Variants in PTPRM observed in about 807,000 individuals in gnomAD.
The protein encoded by PTPRM is protein tyrosine phosphatase receptor type M, also known as receptor-type tyrosine-protein phosphatase mu.
A neutral mutation model predicts 186.7 loss-of-function variants in PTPRM; 47 were observed. That is an observed-to-expected ratio of 0.25 (90% CI 0.20 to 0.32). The LOEUF (loss-of-function observed/expected upper bound fraction) is 0.32, where lower values mean the gene tolerates loss of function less well. Ranked by LOEUF, PTPRM falls within the 10% of genes least tolerant of loss-of-function variation. The pLI, the probability that PTPRM is intolerant of heterozygous loss-of-function variation, is 1.00. For synonymous variants in PTPRM, 668 were observed against 674.9 expected (o/e 0.99, Z 0.16); for missense variants, 1,494 against 1,865.0 (o/e 0.80, Z 3.66).
At chr18:8,124,925 T>G (rs1246521720) in intron 13 of PTPRM, among the ~76,000 whole-genome samples, 1 of 152,074 alleles carries the variant, frequency 6.6e-6, no homozygotes, top group Non-Finnish European at 1.5e-5. Flanking sequence ...CTGGGAAGCT[T>G]TTGTGAGATG....
chr18:7,607,155 A>C (rs981291992), intron 1 of PTPRM, among the ~76,000 whole-genome samples: 9 of 152,154 alleles, frequency 5.9e-5, no homozygotes, highest in African/African-American at 2.2e-4. Context: ...CAAAGTTGCC[A>C]GTGTTACTGC....
At chr18:7,716,375 A>G (rs1464541578) in intron 1 of PTPRM, among the ~76,000 whole-genome samples, 7 of 152,234 alleles carry the variant, frequency 4.6e-5, no homozygotes, top group Admixed American at 1.3e-4. Flanking sequence ...ACCTAAAACC[A>G]TAAAAACCCT....
At chr18:8,335,857 A>G (rs1020816878) in intron 22 of PTPRM, among the ~76,000 whole-genome samples, 4 of 152,166 alleles carry the variant, frequency 2.6e-5, no homozygotes, top group African/African-American at 9.6e-5. Flanking sequence ...CCCCATCTCT[A>G]CTATAAACAC....
At chr18:8,200,125 T>C (rs2093833730) in intron 14 of PTPRM, among the ~76,000 whole-genome samples, 2 of 152,170 alleles carry the variant, frequency 1.3e-5, no homozygotes, top group Non-Finnish European at 2.9e-5. Context: ...CTGATAGCAG[T>C]GTCCTTGGGA....
intron 1 of PTPRM, among the ~76,000 whole-genome samples, chr18:7,681,218 G>T (rs1461536990): frequency 6.7e-6 from 1 of 149,588 alleles, no homozygotes; most frequent in African/African-American, 2.5e-5. Context: ...TAATAATAAT[G>T]GATAAACTTA....
chr18:7,858,611 G>A (rs962744703), intron 2 of PTPRM, among the ~76,000 whole-genome samples: 1 of 152,170 alleles, frequency 6.6e-6, no homozygotes, highest in Admixed American at 6.5e-5. Context: ...TTATTGTTGT[G>A]ATGAGAATTA....
intron 20 of PTPRM, among the ~76,000 whole-genome samples, chr18:8,297,348 C>T (rs766879044): frequency 5.9e-5 from 9 of 152,188 alleles, no homozygotes; most frequent in Non-Finnish European, 1.2e-4. Context: ...GAGGAGCAAT[C>T]TATTAGCTTT....
intron 7 of PTPRM, among the ~76,000 whole-genome samples, chr18:7,965,527 T>G (rs573264704): frequency 2.0e-5 from 3 of 152,196 alleles, no homozygotes; most frequent in Non-Finnish European, 4.4e-5. Context: ...GTGGTGTGGA[T>G]GTAAGGAATT....
At chr18:7,994,441 GA>G (rs1568150878) in intron 7 of PTPRM, among the ~76,000 whole-genome samples, 3 of 152,058 alleles carry the variant, frequency 2.0e-5, no homozygotes, top group Non-Finnish European at 4.4e-5. Flanking sequence ...AATCAACAAA[GA>G]AATATTGGAC....
At chr18:8,167,588 T>C (rs904519561) in intron 14 of PTPRM, among the ~76,000 whole-genome samples, 2 of 152,254 alleles carry the variant, frequency 1.3e-5, no homozygotes, top group Non-Finnish European at 1.5e-5. Flanking sequence ...CCCTTTTCAT[T>C]GTAGTTGTAC....
chr18:8,179,660 G>A (rs6506552), intron 14 of PTPRM, among the ~76,000 whole-genome samples: 75,696 of 151,562 alleles, frequency 0.5, 19,189 homozygotes, highest in Middle Eastern at 0.65. Context: ...AGTAGAGAAC[G>A]GGTTTCACCA....
At chr18:7,876,127 TG>T (rs1366549905) in intron 2 of PTPRM, among the ~76,000 whole-genome samples, 14 of 152,144 alleles carry the variant, frequency 9.2e-5, no homozygotes, top group African/African-American at 2.9e-4. Flanking sequence ...TGTGTGTGTG[TG>T]TGTGTGTGTG....
At chr18:8,192,941 C>A (rs2093728304) in intron 14 of PTPRM, among the ~76,000 whole-genome samples, 1 of 152,164 alleles carries the variant, frequency 6.6e-6, no homozygotes, top group Non-Finnish European at 1.5e-5. Flanking sequence ...GATACAGCTT[C>A]ACATTATGTC....
At chr18:7,917,000 T>C (rs2050597974) in intron 4 of PTPRM, among the ~76,000 whole-genome samples, 2 of 152,196 alleles carry the variant, frequency 1.3e-5, no homozygotes, top group Non-Finnish European at 2.9e-5. Context: ...TGAGATCAAC[T>C]TTATGATCTC....
chr18:7,691,707 G>A (rs2039736770), intron 1 of PTPRM, among the ~76,000 whole-genome samples: 1 of 152,098 alleles, frequency 6.6e-6, no homozygotes, highest in Non-Finnish European at 1.5e-5. Context: ...TTGAGTCCAG[G>A]AGTTCAAGAC....
rs796295103 is a variant in PTPRM, at chr18:8,237,454, T to A, written c.2301-6604T>A. Among the ~76,000 whole-genome samples the A allele has an allele frequency of 1.1e-4, 9 of 82,502 alleles. 1 individual carries two copies. The highest frequency in any genetic ancestry group is 3.6e-4 in the African/African-American group (5 of 13,834). 54.1% of individuals were successfully genotyped at this position (82,502 alleles called of 152,430 possible). A position where few individuals can be genotyped will look rare whatever the true frequency, so the allele number is the denominator to read the frequency against. ...CAATTTTTTTTTTTTTTTTTTTTTTTTTTTTTTTCCTGAGACAGAGTTTCG... is the reference window on the plus strand; with the variant it reads ...CAATTTTTTTTTTTTTTTTTTTTTTATTTTTTTTCCTGAGACAGAGTTTCG... On this transcript the variant is annotated intron_variant, in intron 14 of 32. Transcript: ENST00000580170.
intron 1 of PTPRM, among the ~76,000 whole-genome samples, chr18:7,610,411 C>G (rs922781529): frequency 1.3e-4 from 20 of 152,044 alleles, no homozygotes; most frequent in African/African-American, 4.6e-4. Context: ...TTTCTCCAAC[C>G]AGTGTCCTCC....
intron 20 of PTPRM, among the ~76,000 whole-genome samples, chr18:8,297,583 G>A (rs1389213873): frequency 6.6e-6 from 1 of 152,126 alleles, no homozygotes; most frequent in African/African-American, 2.4e-5. Flanking sequence ...TTTATTTCTT[G>A]TTTTTGCTGT....
chr18:8,125,336 G>A (rs927098051), intron 13 of PTPRM, among the ~76,000 whole-genome samples: 2 of 152,052 alleles, frequency 1.3e-5, no homozygotes, highest in African/African-American at 4.8e-5. Context: ...TCCTGTCATT[G>A]CACTAGGGAG....
Sources: gnomAD v4.1 joint callset for allele counts (sites outside exome capture counted in the v4.1 genomes callset) on GRCh38, gnomAD v4.1.1 for gene constraint, MANE v1.5 for transcripts, NCBI Gene and HGNC (gene_info 2026-07-23, HGNC 2026-07-21) for gene names.